The following SLC39A10 variants were observed in gnomAD, a reference collection of about 807,000 sequenced individuals.
The protein encoded by SLC39A10 is solute carrier family 39 member 10.
Under a neutral mutation model 65.1 loss-of-function variants are expected in SLC39A10, and 13 were observed. The observed-to-expected ratio is 0.20, with a 90% CI of 0.13 to 0.32. The LOEUF (loss-of-function observed/expected upper bound fraction) is 0.32, where lower values mean the gene tolerates loss of function less well. Ranked by LOEUF, SLC39A10 falls within the 10% of genes least tolerant of loss-of-function variation. SLC39A10 has a pLI of 1.00. For missense variants in SLC39A10, 831 were observed against 1,018.4 expected (o/e 0.82, Z 2.50); for synonymous variants, 321 against 342.2 (o/e 0.94, Z 0.68).
At chr2:195,643,846 T>C in intron 2 of SLC39A10, among the ~76,000 whole-genome samples, 1 of 152,230 alleles carries the variant, frequency 6.6e-6, no homozygotes. Context: ...GTTACAGTAG[T>C]TTTGTATTTG....
chr2:195,618,872 C>T (rs1688285628), intron 2 of SLC39A10, among the ~76,000 whole-genome samples: 1 of 152,058 alleles, frequency 6.6e-6, no homozygotes, highest in African/African-American at 2.4e-5. Context: ...ATGGGAGGAT[C>T]ACTTGAGGTC....
chr2:195,644,627 A>G lies in SLC39A10; in HGVS notation c.-11-35405A>G, dbSNP rs1456159683. On this transcript the variant is annotated intron_variant, in intron 2 of 2. Transcript: ENST00000458054. ...AGTGTTGGGATTACAGGCATGAGCC[A>G]CAGGCCCCTCAACTAAAAAATTAAA... Among the ~76,000 whole-genome samples, 4 of 151,772 alleles carry G rather than the reference A, an allele frequency of 2.6e-5. No individual in the cohort carries two copies. In the East Asian group the frequency reaches 7.8e-4, roughly 30 times the overall value.
intron 2 of SLC39A10, among the ~76,000 whole-genome samples, chr2:195,622,513 A>C (rs73072026): frequency 0.17 from 26,120 of 152,260 alleles, 2,463 homozygotes; most frequent in East Asian, 0.34. Context: ...TTTCTGTTTG[A>C]GGCCAAAGAT....
Position 195,688,944 on chromosome 2 carries a change from A to G in SLC39A10, c.1216+5038A>G, listed in dbSNP as rs112545277. ...TAGAAGGACTGCCATTTGGATTAAT[A>G]AAGTTAGTAATCCTTCCTACTTTCA... On this transcript the variant is annotated intron_variant, in intron 3 of 9. Coordinates refer to ENST00000359634, the MANE Select transcript of SLC39A10 (RefSeq NM_020342.3). 2.6e-3 allele frequency among the ~76,000 whole-genome samples: 396 copies of G among 152,334 alleles called. 1 individual carries two copies. Among genetic ancestry groups the G allele is most frequent in the African/African-American group, 9.4e-3 (390 of 41,570 alleles).
intron 1 of SLC39A10, among the ~76,000 whole-genome samples, chr2:195,679,578 A>G (rs540647339): frequency 6.6e-6 from 1 of 152,350 alleles, no homozygotes; most frequent in South Asian, 2.1e-4. Flanking sequence ...ATAACATGAT[A>G]TAGCCATCCG....
chr2:195,652,444 G>T (rs1385171990), upstream of SLC39A10, among the ~76,000 whole-genome samples: 1 of 151,730 alleles, frequency 6.6e-6, no homozygotes, highest in Non-Finnish European at 1.5e-5. Flanking sequence ...AGCTACTCGG[G>T]AGGCTGAGGC....
At chr2:195,645,492 A>G (rs1688896899) in intron 2 of SLC39A10, among the ~76,000 whole-genome samples, 1 of 152,228 alleles carries the variant, frequency 6.6e-6, no homozygotes, top group African/African-American at 2.4e-5. Flanking sequence ...ATTAGATAGT[A>G]TATTTGTTTA....
At chr2:195,708,295 G>C (rs111408456) in intron 4 of SLC39A10, among the ~76,000 whole-genome samples, 1 of 152,150 alleles carries the variant, frequency 6.6e-6, no homozygotes, top group Non-Finnish European at 1.5e-5. Context: ...ATTAGTTTGT[G>C]TGTTTTGTTT....
chr2:195,714,699 T>C (rs184572693), intron 6 of SLC39A10, among the ~76,000 whole-genome samples: 1 of 152,368 alleles, frequency 6.6e-6, no homozygotes, highest in Non-Finnish European at 1.5e-5. Context: ...TATTTAATAC[T>C]TTACATTATT....
At chr2:195,712,122 A>G (rs1691620383) in intron 5 of SLC39A10, among the ~76,000 whole-genome samples, 1 of 152,236 alleles carries the variant, frequency 6.6e-6, no homozygotes, top group Admixed American at 6.5e-5. Context: ...AGGGCTGGAA[A>G]GTCCAAGAAT....
At chr2:195,658,988 T>C (rs1391521805) in intron 1 of SLC39A10, among the ~76,000 whole-genome samples, 2 of 152,240 alleles carry the variant, frequency 1.3e-5, no homozygotes, top group Non-Finnish European at 2.9e-5. Flanking sequence ...ATCTATATTT[T>C]AGTAAAGCAT....
At chr2:195,732,888 A>ATGGCCAGATTCT (rs1300294581) in intron 9 of SLC39A10, among the ~76,000 whole-genome samples, 78 of 152,348 alleles carry the variant, frequency 5.1e-4, no homozygotes, top group African/African-American at 1.7e-3. Flanking sequence ...GGCCAGATTC[A>ATGGCCAGATTCT]GCATGGTTTG....
intron 8 of SLC39A10, among the ~76,000 whole-genome samples, chr2:195,726,700 T>C (rs62203612): frequency 0.11 from 17,008 of 152,212 alleles, 1,032 homozygotes; most frequent in African/African-American, 0.14. Flanking sequence ...TGTTGGAAGG[T>C]AGAAATAAAC....
At chr2:195,657,598 C>T (rs1037752026) in intron 1 of SLC39A10, 30 of 982,136 alleles carry the variant, frequency 3.1e-5, no homozygotes, top group Middle Eastern at 5.2e-4. Flanking sequence ...CCCCCCTCAC[C>T]TTCCTGTGGA....
chr2:195,649,316 T>C (rs1269904915), intron 2 of SLC39A10, among the ~76,000 whole-genome samples: 1 of 152,260 alleles, frequency 6.6e-6, no homozygotes, highest in Non-Finnish European at 1.5e-5. Flanking sequence ...CTATTCTTGT[T>C]TTGACAATTC....
At chr2:195,682,398 T>A (rs1238655604) in intron 2 of SLC39A10, among the ~76,000 whole-genome samples, 1 of 152,172 alleles carries the variant, frequency 6.6e-6, no homozygotes, top group Admixed American at 6.5e-5. Context: ...GATTTTAAAA[T>A]AACATATATT....
intron 1 of SLC39A10, among the ~76,000 whole-genome samples, chr2:195,660,441 C>T (rs74651810): frequency 9.1e-4 from 138 of 152,272 alleles, no homozygotes; most frequent in Admixed American, 2.6e-3. Flanking sequence ...TTAAAGTTTG[C>T]AAGGCTGCCC....
At chr2:195,686,985 T>C (rs1486950286) in intron 3 of SLC39A10, among the ~76,000 whole-genome samples, 2 of 152,172 alleles carry the variant, frequency 1.3e-5, no homozygotes, top group African/African-American at 4.8e-5. Flanking sequence ...TAAAACAAAA[T>C]CCAAGAATGG....
At chr2:195,613,036 C>G (rs544370957) in intron 2 of SLC39A10, among the ~76,000 whole-genome samples, 1 of 152,154 alleles carries the variant, frequency 6.6e-6, no homozygotes, top group Admixed American at 6.5e-5. Flanking sequence ...CCCATTCATT[C>G]AAAGAAGGGA....
Sources: gnomAD v4.1 joint callset for allele counts (sites outside exome capture counted in the v4.1 genomes callset) on GRCh38, gnomAD v4.1.1 for gene constraint, MANE v1.5 for transcripts, NCBI Gene and HGNC (gene_info 2026-07-23, HGNC 2026-07-21) for gene names.